Variants in AKT3 observed in about 807,000 individuals in gnomAD.
AKT3 encodes RAC-gamma serine/threonine-protein kinase.
In AKT3, 15 loss-of-function variants were observed where a neutral mutation model predicts 65.3. The observed-to-expected ratio is 0.23, with a 90% CI of 0.15 to 0.35. The LOEUF is 0.35. Among genes scored for constraint, AKT3 ranks in the 10% least tolerant of loss-of-function variants. The probability of loss-of-function intolerance (pLI) is 1.00; values close to 1 mark genes in which losing one functional copy is unlikely to be tolerated. For synonymous variants in AKT3, 206 were observed against 183.8 expected (o/e 1.12, Z -0.98); for missense variants, 243 against 576.5 (o/e 0.42, Z 5.92).
At chr1:243,645,840 T>G in intron 5 of AKT3, 53 bp downstream of exon 5, 1 of 1,476,972 alleles carries the variant, frequency 6.8e-7, no homozygotes, top group Non-Finnish European at 9.1e-7. Flanking sequence ...GCTTTTAATA[T>G]GTTTCTTCCA....
intron 3 of AKT3, among the ~76,000 whole-genome samples, chr1:243,681,969 T>C (rs1683956383): frequency 6.6e-6 from 1 of 152,122 alleles, no homozygotes; most frequent in Non-Finnish European, 1.5e-5. Flanking sequence ...TAATTTCCGA[T>C]GTATTAATTA....
At chr1:243,605,572 A>G (rs945528708) in intron 8 of AKT3, among the ~76,000 whole-genome samples, 7 of 152,228 alleles carry the variant, frequency 4.6e-5, no homozygotes, top group Non-Finnish European at 8.8e-5. Context: ...CAACTTGTCT[A>G]TCTCAGCTAT....
chr1:243,499,741 T>TATTA lies in AKT3; in HGVS notation c.*5504_*5507dup, dbSNP rs777493329. ...ACATGAGCTATTGAAACTTACTTTT[T>TATTA]ATTATTTTTTCCAGTTACCCAGCAT... On this transcript the variant is annotated 3_prime_UTR_variant, in exon 14 of 14. Coordinates refer to ENST00000673466, the MANE Select transcript of AKT3 (RefSeq NM_005465.7). 5 of 1,605,468 alleles carry TATTA rather than the reference T, an allele frequency of 3.1e-6. No individual in the cohort carries two copies. Among genetic ancestry groups the TATTA allele is most frequent in the Admixed American group, 1.7e-5 (1 of 59,998 alleles).
chr1:243,808,617 T>A (rs1344974189), intron 2 of AKT3, among the ~76,000 whole-genome samples: 1 of 152,102 alleles, frequency 6.6e-6, no homozygotes, highest in Non-Finnish European at 1.5e-5. Flanking sequence ...CAGGATATTA[T>A]CCAGGAGAAC....
intron 2 of AKT3, among the ~76,000 whole-genome samples, chr1:243,794,045 T>C (rs891387641): frequency 1.3e-5 from 2 of 152,234 alleles, no homozygotes; most frequent in Admixed American, 6.5e-5. Flanking sequence ...TTTTCTTTTT[T>C]TGAGACAGGG....
intron 3 of AKT3, among the ~76,000 whole-genome samples, chr1:243,684,468 C>T (rs1270453693): frequency 4.6e-5 from 7 of 152,116 alleles, no homozygotes; most frequent in African/African-American, 1.4e-4. Flanking sequence ...TCATCCATGT[C>T]CCTGCAAAGG....
At chr1:243,636,592 A>T (rs1679989084) in intron 6 of AKT3, among the ~76,000 whole-genome samples, 1 of 152,128 alleles carries the variant, frequency 6.6e-6, no homozygotes, top group Non-Finnish European at 1.5e-5. Context: ...GTTGCCCAAC[A>T]CACTGCAAGA....
At chr1:243,730,266 A>G (rs1687467268) in intron 2 of AKT3, among the ~76,000 whole-genome samples, 1 of 152,210 alleles carries the variant, frequency 6.6e-6, no homozygotes, top group South Asian at 2.1e-4. Flanking sequence ...GTAAGTAAGG[A>G]CTACCCTTAG....
chr1:243,580,692 C>T (rs1194120792), intron 8 of AKT3, among the ~76,000 whole-genome samples: 7 of 152,176 alleles, frequency 4.6e-5, no homozygotes, highest in African/African-American at 7.2e-5. Context: ...CTTGCAGTCA[C>T]GTTCAGCTTG....
chr1:243,849,386 A>ACCCCCCCCCC lies in AKT3; in HGVS notation c.-113+644_-113+653dup, dbSNP rs57424400. ...CACGTTACCCACCTCCCACACACAC[A>ACCCCCCCCCC]CCCCCCCCCCCACCCCACCAGTGCC... is the stretch of plus-strand genomic sequence containing the variant. On this transcript the variant is annotated intron_variant, in intron 1 of 13. Coordinates refer to ENST00000673466, the MANE Select transcript of AKT3 (RefSeq NM_005465.7). Among the ~76,000 whole-genome samples the ACCCCCCCCCC allele has an allele frequency of 9.4e-3, 1,009 of 107,096 alleles. 2 individuals carry two copies. Among genetic ancestry groups the ACCCCCCCCCC allele is most frequent in the African/African-American group, 0.018 (462 of 25,998 alleles). The allele number at this position is 107,096 out of a possible 152,430, so 70.3% of individuals were successfully genotyped here. A position where few individuals can be genotyped will look rare whatever the true frequency, so the allele number is the denominator to read the frequency against.
At chr1:243,789,825 T>C (rs1166245143) in intron 2 of AKT3, among the ~76,000 whole-genome samples, 1 of 152,234 alleles carries the variant, frequency 6.6e-6, no homozygotes, top group Non-Finnish European at 1.5e-5. Context: ...GAATAAATGT[T>C]GTGTTAGCAG....
At chr1:243,613,819 T>C (rs538979968) in intron 7 of AKT3, 80 bp from the exon 8 acceptor site, 69 of 795,654 alleles carry the variant, frequency 8.7e-5, no homozygotes, top group African/African-American at 1.4e-4. Context: ...ATAGAACACA[T>C]AGAAATAGTA....
chr1:243,836,390 A>T (rs1322288555), intron 2 of AKT3, among the ~76,000 whole-genome samples: 1 of 152,166 alleles, frequency 6.6e-6, no homozygotes, highest in East Asian at 1.9e-4. Context: ...ATATAAAATT[A>T]AAAAGGTAGG....
intron 2 of AKT3, among the ~76,000 whole-genome samples, chr1:243,736,325 T>C (rs996523106): frequency 1.3e-5 from 2 of 152,134 alleles, no homozygotes; most frequent in African/African-American, 4.8e-5. Context: ...ATGTTAGAAA[T>C]TACAATTACC....
chr1:243,534,031 A>G (rs1671735895), intron 12 of AKT3, among the ~76,000 whole-genome samples: 1 of 152,056 alleles, frequency 6.6e-6, no homozygotes, highest in African/African-American at 2.4e-5. Context: ...AAGAAATCCA[A>G]CTGTATCAAT....
chr1:243,663,215 G>A (rs1040542020), intron 4 of AKT3, among the ~76,000 whole-genome samples: 1 of 152,192 alleles, frequency 6.6e-6, no homozygotes, highest in African/African-American at 2.4e-5. Context: ...ATGATTGATA[G>A]AAAAGGTACA....
chr1:243,794,775 C>A (rs556394545), intron 2 of AKT3, among the ~76,000 whole-genome samples: 1 of 152,200 alleles, frequency 6.6e-6, no homozygotes, highest in Non-Finnish European at 1.5e-5. Context: ...AAAATAAGAA[C>A]CCAGCAGTCC....
intron 4 of AKT3, among the ~76,000 whole-genome samples, chr1:243,654,961 T>C (rs1376514832): frequency 6.6e-6 from 1 of 152,134 alleles, no homozygotes; most frequent in Non-Finnish European, 1.5e-5. Context: ...GAAACTATGG[T>C]TTGGTATCTT....
intron 2 of AKT3, among the ~76,000 whole-genome samples, chr1:243,785,936 G>A (rs1691235360): frequency 6.6e-6 from 1 of 152,196 alleles, no homozygotes; most frequent in South Asian, 2.1e-4. Flanking sequence ...AAGTGGAAAA[G>A]TACAGTGGCC....
Sources: allele counts gnomAD v4.1 joint callset (sites outside exome capture counted in the v4.1 genomes callset), GRCh38; gene constraint gnomAD v4.1.1; transcripts MANE v1.5; gene names NCBI Gene and HGNC (gene_info 2026-07-23, HGNC 2026-07-21).